ROCK2: variants seen among roughly 807,000 people sequenced by gnomAD.
ROCK2 encodes rho-associated protein kinase 2.
ROCK2 carries 61 observed loss-of-function variants against 195.1 expected under a neutral mutation model. The observed-to-expected ratio is 0.31, with a 90% CI of 0.25 to 0.39. The LOEUF (loss-of-function observed/expected upper bound fraction) is 0.39, where lower values mean the gene tolerates loss of function less well. ROCK2 is among the 10% of genes least tolerant of loss of function. The probability of loss-of-function intolerance (pLI) is 1.00; values close to 1 mark genes in which losing one functional copy is unlikely to be tolerated. For synonymous variants in ROCK2, 504 were observed against 545.5 expected, an observed-to-expected ratio of 0.92 and a Z score of 1.06; for missense variants, 1,109 against 1,637.4, an observed-to-expected ratio of 0.68 and a Z score of 5.57.
At chr2:11,208,952 G>C (rs1244713354) in intron 18 of ROCK2, among the ~76,000 whole-genome samples, 1 of 151,846 alleles carries the variant, frequency 6.6e-6, no homozygotes, top group Non-Finnish European at 1.5e-5. Context: ...TCATTCACAG[G>C]GTGTAAAAAT....
intron 3 of ROCK2, among the ~76,000 whole-genome samples, chr2:11,265,392 T>C (rs974993127): frequency 2.6e-5 from 4 of 152,212 alleles, no homozygotes; most frequent in African/African-American, 9.6e-5. Flanking sequence ...TATTCTACTG[T>C]GAACATATTC....
chr2:11,205,016 GTT>G (rs1430317867), intron 20 of ROCK2, among the ~76,000 whole-genome samples: 2 of 152,234 alleles, frequency 1.3e-5, no homozygotes, highest in East Asian at 3.9e-4. Flanking sequence ...GTATGTAGGA[GTT>G]TTCTCACTGG....
chr2:11,337,174 G>GGTGGAGGTTACAGTGAACC (rs1179141364), intron 1 of ROCK2, among the ~76,000 whole-genome samples: 1 of 151,820 alleles, frequency 6.6e-6, no homozygotes, highest in Non-Finnish European at 1.5e-5. Context: ...AAACCCATGA[G>GGTGGAGGTTACAGTGAACC]GTGGAGGTTA....
At chr2:11,199,899 GA>G (rs1277261665) in intron 23 of ROCK2, among the ~76,000 whole-genome samples, 1 of 152,040 alleles carries the variant, frequency 6.6e-6, no homozygotes, top group African/African-American at 2.4e-5. Flanking sequence ...AAATTTACTG[GA>G]AACTGTCATA....
chr2:11,307,930 C>T (rs55961938), intron 1 of ROCK2: 3 of 1,414,760 alleles, frequency 2.1e-6, no homozygotes, highest in Non-Finnish European at 2.8e-6. Context: ...GTCCTCCTGG[C>T]CCTGTTAATG....
intron 1 of ROCK2, chr2:11,308,116 C>T (rs1219128038): frequency 2.0e-5 from 32 of 1,610,908 alleles, no homozygotes; most frequent in African/African-American, 5.4e-5. Context: ...CTGGTGGAGG[C>T]GATAGACAAG....
Position 11,192,266 on chromosome 2 carries a change from G to A in ROCK2, c.4045C>T (p.Pro1349Ser), listed in dbSNP as rs748271839. 1.9e-6 allele frequency: 3 copies of A among 1,613,626 alleles called. No individual in the cohort carries two copies. The highest frequency in any genetic ancestry group is 2.2e-5 in the East Asian group (1 of 44,878). ...GGGTCTGGAGCTGGGGGCTTTTTAG[G>A]TATCTTTTTCACCAACCGACTAACC... ...KWVSRLVKKI[P>S]KKPPAPDPFA... The change falls in exon 32 of 33, where the codon CCT becomes TCT. Residue 1349 changes from proline to serine, a missense_variant. This residue lies in a region of ROCK2 where 221 missense variants were observed against 355.1 expected (regional missense o/e 0.62). Coordinates refer to ENST00000315872, the MANE Select transcript of ROCK2 (RefSeq NM_004850.5). The surrounding 1 kb of genome is among the most constrained non-coding windows in gnomAD (Gnocchi z 5.0).
rs538426265 is a variant in ROCK2, at chr2:11,219,949, T to C, written c.1260-923A>G. The stretch of plus-strand genomic sequence containing the variant: ...CCAACCTTGAACTCCTGGCCTCAAG[T>C]GATCCTTTCATCTCAGCCTCTGAGT... On this transcript the variant is annotated intron_variant, in intron 9 of 32. Coordinates refer to ENST00000315872, the MANE Select transcript of ROCK2 (RefSeq NM_004850.5). Among the ~76,000 whole-genome samples, 166 of 151,648 alleles carry C rather than the reference T, an allele frequency of 1.1e-3. 3 individuals are homozygous for C. The highest frequency in any genetic ancestry group is 8.8e-3 in the South Asian group (42 of 4,790).
rs70953381 is a variant in ROCK2, at chr2:11,282,607, C to CAAAAAAAAAA, written c.324+3922_324+3931dup. 5.9e-4 allele frequency among the ~76,000 whole-genome samples: 73 copies of CAAAAAAAAAA among 123,308 alleles called. 2 individuals carry two copies. The highest frequency in any genetic ancestry group is 1.7e-3 in the African/African-American group (51 of 30,314). 80.9% of individuals were successfully genotyped at this position (123,308 alleles called of 152,430 possible). ...GCTGGAATAACTGAATATCTACATG[C>CAAAAAAAAAA]AAAAAAAAAAAAAAGAATCAAGACC... On this transcript the variant is annotated intron_variant, in intron 3 of 32. Coordinates refer to ENST00000315872, the MANE Select transcript of ROCK2 (RefSeq NM_004850.5).
intron 32 of ROCK2, among the ~76,000 whole-genome samples, chr2:11,190,353 G>T (rs1663371581): frequency 9.2e-6 from 1 of 108,902 alleles, no homozygotes; most frequent in Non-Finnish European, 2.0e-5. Flanking sequence ...ACAGGGCAAG[G>T]CCAGAAGTTT....
In ROCK2 at chr2:11,194,835, T is replaced by A. The variant is rs1443944139; in HGVS notation, c.3519+120A>T. On this transcript the variant is annotated intron_variant, in intron 28 of 32. Transcript: ENST00000315872. ...TCATATCATTTCAAATCCTGAAGTATAAACAAGTTCTATGTGTCTAAAGGT... is the reference window on the plus strand; with the variant it reads ...TCATATCATTTCAAATCCTGAAGTAAAAACAAGTTCTATGTGTCTAAAGGT... 5 of 446,266 alleles carry A rather than the reference T, an allele frequency of 1.1e-5. No homozygotes were observed. The East Asian group carries it at 1.7e-4, about 15-fold the overall frequency. 27.6% of individuals were successfully genotyped at this position (446,266 alleles called of 1,614,324 possible). A position where few individuals can be genotyped will look rare whatever the true frequency, so the allele number is the denominator to read the frequency against.
At chr2:11,328,001 A>T (rs1460104479) in intron 1 of ROCK2, among the ~76,000 whole-genome samples, 11 of 152,230 alleles carry the variant, frequency 7.2e-5, no homozygotes, top group Admixed American at 5.2e-4. Context: ...AAGGGCAAAG[A>T]GTATAGAGAA....
chr2:11,262,657 C>CTCT (rs1394467584), intron 3 of ROCK2, among the ~76,000 whole-genome samples: 1 of 152,162 alleles, frequency 6.6e-6, no homozygotes, highest in Non-Finnish European at 1.5e-5. Context: ...CTTGCTGCTC[C>CTCT]TTGCCTTCTG....
chr2:11,249,454 C>G (rs912514543), intron 4 of ROCK2, among the ~76,000 whole-genome samples: 1 of 152,162 alleles, frequency 6.6e-6, no homozygotes, highest in African/African-American at 2.4e-5. Flanking sequence ...TGCTTCCATA[C>G]AACAATTTAA....
chr2:11,201,310 C>T lies in ROCK2; in HGVS notation c.2723G>A (p.Arg908Gln), dbSNP rs1007946658. ...AAAGAGACAAGGGTCTCATACTTAC[C>T]GTTCATCCTGTAATTCCTGTTTCTT... The part of the protein sequence containing the change: ...QQKKQELQDE[R>Q]DSLAAQLEIT... The change falls in exon 22 of 33, where the codon CGG becomes CAG. Residue 908 changes from arginine to glutamine, a missense_variant and splice_region_variant. Around this residue, in one of 6 missense-constraint regions of ROCK2, gnomAD observed 542 missense variants for 672.0 expected, o/e 0.81. Coordinates refer to ENST00000315872, the MANE Select transcript of ROCK2 (RefSeq NM_004850.5). The surrounding 1 kb of genome is among the most constrained non-coding windows in gnomAD (Gnocchi z 4.6). 5 of 1,599,238 alleles carry T rather than the reference C, an allele frequency of 3.1e-6. No individual in the cohort carries two copies. The highest frequency in any genetic ancestry group is 4.3e-6 in the Non-Finnish European group (5 of 1,167,144).
At chr2:11,214,059 T>A (rs958701832) in intron 17 of ROCK2, among the ~76,000 whole-genome samples, 4 of 152,240 alleles carry the variant, frequency 2.6e-5, no homozygotes, top group African/African-American at 9.6e-5. Context: ...ATGGCATTTT[T>A]AAGACATGTT....
Position 11,180,338 on chromosome 2 carries a change from A to G in ROCK2, c.*3099T>C, listed in dbSNP as rs1662933521. 1 of 152,202 alleles carries G rather than the reference A, an allele frequency of 6.6e-6. No homozygotes were observed. Among genetic ancestry groups the G allele is most frequent in the Non-Finnish European group, 1.5e-5 (1 of 68,038 alleles). 9.4% of individuals were successfully genotyped at this position (152,202 alleles called of 1,614,324 possible). ...AGATCTATATATAAATGGATGCAAA[A>G]TAGATACTTTAGAGCCAGATTCATG... On this transcript the variant is annotated 3_prime_UTR_variant, in exon 33 of 33. Transcript: ENST00000315872.
chr2:11,262,709 C>T (rs570225630), intron 3 of ROCK2, among the ~76,000 whole-genome samples: 103 of 152,224 alleles, frequency 6.8e-4, no homozygotes, highest in African/African-American at 2.5e-3. Context: ...AACTGTAAGT[C>T]CAATAAACTT....
chr2:11,260,448 CAA>C (rs35308782), intron 3 of ROCK2, among the ~76,000 whole-genome samples: 4 of 91,500 alleles, frequency 4.4e-5, no homozygotes, highest in South Asian at 4.0e-4. Context: ...ACTCTGTCTC[CAA>C]AAAAAAAAAA....
Sources: allele counts gnomAD v4.1 joint callset (sites outside exome capture counted in the v4.1 genomes callset), GRCh38; gene constraint gnomAD v4.1.1; regional missense constraint gnomAD v4.1.1; non-coding constraint Gnocchi (gnomAD v3.1); transcripts MANE v1.5; gene names NCBI Gene and HGNC (gene_info 2026-07-23, HGNC 2026-07-21).